Variants in INPP5A observed in about 807,000 individuals in gnomAD.
INPP5A encodes the protein inositol polyphosphate-5-phosphatase A.
In INPP5A, 14 loss-of-function variants were observed where a neutral mutation model predicts 65.2. The ratio of observed to expected loss-of-function variants is 0.21; its 90% CI spans 0.14 to 0.34. INPP5A has a LOEUF of 0.34. Ranked by LOEUF, INPP5A falls within the 10% of genes least tolerant of loss-of-function variation. INPP5A has a pLI of 1.00. For missense variants in INPP5A, 431 were observed against 545.6 expected (o/e 0.79, Z 2.09); for synonymous variants, 207 against 208.3 (o/e 0.99, Z 0.05).
intron 6 of INPP5A, among the ~76,000 whole-genome samples, chr10:132,702,396 A>G (rs1215879065): frequency 1.3e-5 from 2 of 152,250 alleles, no homozygotes; most frequent in Admixed American, 1.3e-4. Flanking sequence ...TTAAAAAACC[A>G]AGATGTACCC....
In INPP5A at chr10:132,707,029, G is replaced by A. The variant is rs1845547207; in HGVS notation, c.475-1284G>A. ...GGACGGTGGCCAGTGGCAAGGTGGG[G>A]TCAAAGGGAGAGCCTCTGATCACTG... is the stretch of plus-strand genomic sequence containing the variant. On this transcript the variant is annotated intron_variant, in intron 6 of 15. Transcript: ENST00000368594. The surrounding 1 kb of genome is among the most constrained non-coding windows in gnomAD (Gnocchi z 5.5). 6.6e-6 allele frequency among the ~76,000 whole-genome samples: 1 copy of A among 152,226 alleles called. No individual in the cohort carries two copies. The highest frequency in any genetic ancestry group is 2.1e-4 in the South Asian group (1 of 4,834).
chr10:132,539,118 G>C (rs763234302), intron 1 of INPP5A, among the ~76,000 whole-genome samples: 4 of 152,008 alleles, frequency 2.6e-5, no homozygotes, highest in Admixed American at 2.0e-4. Context: ...CTTAAAGCCT[G>C]GGCCTTGAGC....
intron 4 of INPP5A, among the ~76,000 whole-genome samples, chr10:132,679,290 G>A (rs566242989): frequency 8.5e-5 from 13 of 152,328 alleles, no homozygotes; most frequent in South Asian, 2.1e-4. Flanking sequence ...GGAGAGATCC[G>A]TGGTTTCCAG....
intron 8 of INPP5A, among the ~76,000 whole-genome samples, chr10:132,717,038 A>T (rs1845752311): frequency 6.6e-6 from 1 of 152,184 alleles, no homozygotes; most frequent in South Asian, 2.1e-4. Context: ...AGGCCATCTC[A>T]GCCCCGCCCA....
rs1474942171 is a variant in INPP5A, at chr10:132,603,119, C to T, written c.76-4796C>T. Reference sequence around the variant, plus strand: ...CCTCTTCCCTCAACAGTGTGAAATGCCTCAATCTCTCCTGCTGACGTCTCT... The same window carrying T: ...CCTCTTCCCTCAACAGTGTGAAATGTCTCAATCTCTCCTGCTGACGTCTCT... On this transcript the variant is annotated intron_variant, in intron 1 of 15. Coordinates refer to ENST00000368594, the MANE Select transcript of INPP5A (RefSeq NM_005539.5). The surrounding 1 kb of genome is among the most constrained non-coding windows in gnomAD (Gnocchi z 4.2). Among the ~76,000 whole-genome samples the T allele has an allele frequency of 1.3e-5, 2 of 152,160 alleles. No homozygotes were observed. Among genetic ancestry groups the T allele is most frequent in the Non-Finnish European group, 2.9e-5 (2 of 68,038 alleles).
chr10:132,648,696 G>A (rs1034821465), intron 3 of INPP5A, among the ~76,000 whole-genome samples: 2 of 151,840 alleles, frequency 1.3e-5, no homozygotes, highest in African/African-American at 4.8e-5. Context: ...TAATGATATC[G>A]CCCCATTGTC....
intron 2 of INPP5A, among the ~76,000 whole-genome samples, chr10:132,638,892 G>A (rs890807417): frequency 3.9e-5 from 6 of 152,056 alleles, no homozygotes; most frequent in African/African-American, 1.4e-4. Context: ...TTCAAGCCAC[G>A]CTGAGGCTGC....
chr10:132,711,609 T>TA (rs1488978699), intron 8 of INPP5A, among the ~76,000 whole-genome samples: 2 of 152,120 alleles, frequency 1.3e-5, no homozygotes, highest in Non-Finnish European at 2.9e-5. Context: ...AATGCGGAGT[T>TA]ACACTCCCGA....
chr10:132,572,904 C>T (rs1240988364), intron 1 of INPP5A, among the ~76,000 whole-genome samples: 1 of 152,070 alleles, frequency 6.6e-6, no homozygotes, highest in Non-Finnish European at 1.5e-5. Flanking sequence ...AACATCAGCT[C>T]GGTTTATTTC....
Position 132,749,842 on chromosome 10 carries a change from C to T in INPP5A, c.900C>T (p.Thr300=), listed in dbSNP as rs368109665. 12 of 1,612,834 alleles carry T rather than the reference C, an allele frequency of 7.4e-6. No individual in the cohort carries two copies. The highest frequency in any genetic ancestry group is 4.0e-5 in the African/African-American group (3 of 74,926). The part of the protein sequence containing the change: ...NQEVFRDNNG[T]ALLEFDKELS... ...AGGTTTTCCGAGACAACAACGGCAC[C>T]GCGGTGAGTTTGTGGTCCAATGTGG... Residue 300 remains threonine, a synonymous_variant, in exon 11 of 16, where the codon ACC becomes ACT. Transcript: ENST00000368594.
chr10:132,754,740 A>G (rs1015292415), intron 11 of INPP5A, among the ~76,000 whole-genome samples: 1 of 152,194 alleles, frequency 6.6e-6, no homozygotes. Context: ...TTCAGTCCCC[A>G]TGGGAAGGAG....
chr10:132,603,285 T>C lies in INPP5A; in HGVS notation c.76-4630T>C, dbSNP rs1270887996. On this transcript the variant is annotated intron_variant, in intron 1 of 15. Coordinates refer to ENST00000368594, the MANE Select transcript of INPP5A (RefSeq NM_005539.5). This position sits in a 1 kb window ranked among gnomAD's most constrained non-coding sequence, Gnocchi z 4.2. ...CACGCTAAAGATCATCTCAGTTTTT[T>C]AGTACTTCTCACTAAAATGGAATCA... is the stretch of plus-strand genomic sequence containing the variant. Among the ~76,000 whole-genome samples the C allele has an allele frequency of 6.6e-6, 1 of 152,238 alleles. No homozygotes were observed. Among genetic ancestry groups the C allele is most frequent in the Non-Finnish European group, 1.5e-5 (1 of 68,042 alleles).
At position 132,675,463 on chromosome 10, in the gene INPP5A, T is replaced by C. The variant is rs61862801; in HGVS notation, c.307-14929T>C. 0.018 allele frequency among the ~76,000 whole-genome samples: 2,757 copies of C among 152,258 alleles called. 36 individuals carry two copies. Among genetic ancestry groups the C allele is most frequent in the Non-Finnish European group, 0.026 (1,786 of 68,010 alleles). On this transcript the variant is annotated intron_variant, in intron 4 of 15. Transcript: ENST00000368594. The surrounding 1 kb of genome is among the most constrained non-coding windows in gnomAD (Gnocchi z 4.2). The stretch of plus-strand genomic sequence containing the variant: ...AAGGCAGTTGGGGGAAGCGGGCAAA[T>C]GGCCATGGGCATTGGTTGTGTAAAC...
chr10:132,609,116 G>A (rs891567075), intron 2 of INPP5A, among the ~76,000 whole-genome samples: 1 of 152,246 alleles, frequency 6.6e-6, no homozygotes, highest in African/African-American at 2.4e-5. Context: ...CCTATGTGGT[G>A]AGGAAGCCAT....
rs760066958 is a variant in INPP5A, at chr10:132,727,343, C to T, written c.732+438C>T. 13 of 154,574 alleles carry T rather than the reference C, an allele frequency of 8.4e-5. No individual in the cohort carries two copies. Among genetic ancestry groups the T allele is most frequent in the South Asian group, 2.1e-4 (1 of 4,870 alleles). 9.6% of individuals were successfully genotyped at this position (154,574 alleles called of 1,614,324 possible). ...CGTTTTAAACATTGTGCTTTTCTGT[C>T]TGCAAAGTCATTATTCCGTGAGTTA... On this transcript the variant is annotated intron_variant, in intron 9 of 15. Coordinates refer to ENST00000368594, the MANE Select transcript of INPP5A (RefSeq NM_005539.5). The surrounding 1 kb of genome is among the most constrained non-coding windows in gnomAD (Gnocchi z 6.5).
rs1019146466 is a variant in INPP5A, at chr10:132,674,595, G to A, written c.307-15797G>A. 2.6e-5 allele frequency among the ~76,000 whole-genome samples: 4 copies of A among 152,182 alleles called. No homozygotes were observed. The highest frequency in any genetic ancestry group is 5.9e-5 in the Non-Finnish European group (4 of 68,038). On this transcript the variant is annotated intron_variant, in intron 4 of 15. Coordinates refer to ENST00000368594, the MANE Select transcript of INPP5A (RefSeq NM_005539.5). This position sits in a 1 kb window ranked among gnomAD's most constrained non-coding sequence, Gnocchi z 4.4. ...GCGGGAGTGGAGACCATGGGCATTT[G>A]AGCCACGTCGTCATGTAACTTACTT...
intron 4 of INPP5A, among the ~76,000 whole-genome samples, chr10:132,660,440 C>A (rs2072720539): frequency 6.6e-6 from 1 of 152,166 alleles, no homozygotes; most frequent in Admixed American, 6.5e-5. Flanking sequence ...TTTTAAAAAA[C>A]AAAATTCCAG....
rs142283715 is a variant in INPP5A at position 132,627,602 on chromosome 10, G to A, written c.118-18266G>A. 2.9e-3 allele frequency among the ~76,000 whole-genome samples: 435 copies of A among 152,320 alleles called. 2 individuals are homozygous for A. Among genetic ancestry groups the A allele is most frequent in the African/African-American group, 0.01 (416 of 41,568 alleles). ...GCAGCGGATGACAAGTGAAATGAACGAGGGAGTGAGAGCCGAAAAAGACAC... is the reference window on the plus strand; with the variant it reads ...GCAGCGGATGACAAGTGAAATGAACAAGGGAGTGAGAGCCGAAAAAGACAC... On this transcript the variant is annotated intron_variant, in intron 2 of 15. Transcript: ENST00000368594. This position sits in a 1 kb window ranked among gnomAD's most constrained non-coding sequence, Gnocchi z 6.6.
At chr10:132,751,976 C>T (rs75889886) in intron 11 of INPP5A, among the ~76,000 whole-genome samples, 2 of 46,836 alleles carry the variant, frequency 4.3e-5, no homozygotes, top group East Asian at 6.5e-4. Context: ...GTGCACAGGA[C>T]GTGTCTGGGT....
Sources: gnomAD v4.1 joint callset for allele counts (sites outside exome capture counted in the v4.1 genomes callset) on GRCh38, gnomAD v4.1.1 for gene constraint, Gnocchi (gnomAD v3.1) non-coding constraint, MANE v1.5 for transcripts, NCBI Gene and HGNC (gene_info 2026-07-23, HGNC 2026-07-21) for gene names.